Variants in CCDC178 observed in about 807,000 individuals in gnomAD.
The protein encoded by CCDC178 is coiled-coil domain-containing protein 178.
Under a neutral mutation model 117.4 loss-of-function variants are expected in CCDC178, and 126 were observed. The ratio of observed to expected loss-of-function variants is 1.07; its 90% CI spans 0.93 to 1.24. CCDC178 has a LOEUF of 1.24. CCDC178 is among the 50% of genes most tolerant of loss of function. The probability of loss-of-function intolerance (pLI) is 0.00; values close to 1 mark genes in which losing one functional copy is unlikely to be tolerated. For missense variants in CCDC178, 1,030 were observed against 986.9 expected (o/e 1.04, Z -0.59); for synonymous variants, 283 against 313.4 (o/e 0.90, Z 1.02).
At chr18:33,254,963 A>G (rs977986324) in intron 14 of CCDC178, among the ~76,000 whole-genome samples, 4 of 152,016 alleles carry the variant, frequency 2.6e-5, no homozygotes, top group African/African-American at 9.7e-5. Flanking sequence ...AAGAGTTTCA[A>G]TCATGGCAGC....
chr18:33,242,001 T>C (rs753399120), intron 15 of CCDC178, among the ~76,000 whole-genome samples: 3 of 151,850 alleles, frequency 2.0e-5, no homozygotes. Flanking sequence ...GACATTATAC[T>C]ACCAGACTTC....
chr18:33,364,131 G>A (rs2063167967), intron 6 of CCDC178, among the ~76,000 whole-genome samples: 1 of 152,050 alleles, frequency 6.6e-6, no homozygotes, highest in Non-Finnish European at 1.5e-5. Context: ...CCAGATGTGT[G>A]TATCCACATG....
chr18:33,104,855 T>C (rs2057683440), intron 20 of CCDC178, among the ~76,000 whole-genome samples: 1 of 151,776 alleles, frequency 6.6e-6, no homozygotes, highest in African/African-American at 2.4e-5. Context: ...AGAGGTATTT[T>C]ATAGTTCTAT....
chr18:33,363,137 T>C (rs573733765), intron 6 of CCDC178, among the ~76,000 whole-genome samples: 1 of 151,948 alleles, frequency 6.6e-6, no homozygotes, highest in East Asian at 1.9e-4. Flanking sequence ...AAAAAACAAA[T>C]TAGAGGAACA....
chr18:33,044,509 A>T (rs1482543771), intron 21 of CCDC178, among the ~76,000 whole-genome samples: 2 of 152,080 alleles, frequency 1.3e-5, no homozygotes, highest in Non-Finnish European at 2.9e-5. Flanking sequence ...ATTATTAAAA[A>T]AACAAACAAA....
intron 20 of CCDC178, among the ~76,000 whole-genome samples, chr18:33,167,866 C>CTAAATAAATAAATAAA (rs34929402): frequency 6.7e-4 from 100 of 148,728 alleles, no homozygotes; most frequent in Middle Eastern, 6.9e-3. Context: ...GACTCTGTCT[C>CTAAATAAATAAATAAA]TAAATAAATA....
intron 5 of CCDC178, among the ~76,000 whole-genome samples, chr18:33,379,242 A>G (rs2063409093): frequency 7.6e-6 from 1 of 131,926 alleles, no homozygotes; most frequent in African/African-American, 2.9e-5. Context: ...CATTTCCCTA[A>G]TCCCCTCCCT....
chr18:33,383,764 G>A (rs1031801078), intron 5 of CCDC178, among the ~76,000 whole-genome samples: 22 of 152,122 alleles, frequency 1.4e-4, no homozygotes, highest in African/African-American at 5.3e-4. Flanking sequence ...AAAAGCCAAT[G>A]CAAAAACACT....
At chr18:33,318,962 G>A (rs2062461601) in intron 11 of CCDC178, among the ~76,000 whole-genome samples, 1 of 152,022 alleles carries the variant, frequency 6.6e-6, no homozygotes, top group South Asian at 2.1e-4. Context: ...AATTCTGAAA[G>A]TTTTTCATCA....
intron 12 of CCDC178, among the ~76,000 whole-genome samples, chr18:33,278,675 C>T (rs929490624): frequency 3.2e-4 from 49 of 152,078 alleles, no homozygotes; most frequent in African/African-American, 1.1e-3. Context: ...CTATTAGCAA[C>T]AAATACTGAC....
In CCDC178 at chr18:33,098,844, A is replaced by G. The variant is rs150824668; in HGVS notation, c.2239-5934T>C. Among the ~76,000 whole-genome samples the G allele has an allele frequency of 5.9e-5, 9 of 152,006 alleles. 1 individual carries two copies. The South Asian group carries it at 1.9e-3, about 32-fold the overall frequency. ...AGGAATTAAAAAAAGGATAAGATAT[A>G]ATTCCTGTTCGCCAAGGATTACAAG... On this transcript the variant is annotated intron_variant, in intron 20 of 22. Transcript: ENST00000383096.
chr18:33,359,027 C>T (rs1391674065), intron 6 of CCDC178, among the ~76,000 whole-genome samples: 1 of 151,804 alleles, frequency 6.6e-6, no homozygotes, highest in Non-Finnish European at 1.5e-5. Context: ...AACTGGCATT[C>T]ACAGTCCTGC....
At chr18:33,187,589 A>G (rs1286645099) in intron 20 of CCDC178, among the ~76,000 whole-genome samples, 1 of 152,138 alleles carries the variant, frequency 6.6e-6, no homozygotes, top group Non-Finnish European at 1.5e-5. Context: ...ACATCAAAAT[A>G]ATGTCAAAAT....
intron 22 of CCDC178, among the ~76,000 whole-genome samples, chr18:32,948,449 T>C (rs2054404472): frequency 1.3e-5 from 2 of 152,134 alleles, no homozygotes; most frequent in African/African-American, 4.8e-5. Flanking sequence ...TGTATAGGCA[T>C]TGTCTTCTTA....
chr18:33,355,347 G>C (rs1167351538), intron 7 of CCDC178, among the ~76,000 whole-genome samples: 1 of 152,142 alleles, frequency 6.6e-6, no homozygotes, highest in Admixed American at 6.5e-5. Context: ...GCTTACTGGT[G>C]AGCTAGTGTT....
At chr18:33,285,810 G>A (rs1026139629) in intron 12 of CCDC178, among the ~76,000 whole-genome samples, 9 of 151,910 alleles carry the variant, frequency 5.9e-5, no homozygotes, top group Admixed American at 5.9e-4. Flanking sequence ...ATGGTCATTA[G>A]TATATATTTG....
At chr18:33,193,820 A>G (rs1410554818) in intron 20 of CCDC178, among the ~76,000 whole-genome samples, 4 of 152,182 alleles carry the variant, frequency 2.6e-5, no homozygotes, top group African/African-American at 7.2e-5. Flanking sequence ...TGCTTCTGTG[A>G]CATAATACCT....
rs371315818 is a variant in CCDC178, at chr18:33,094,306, C to T, written c.2239-1396G>A. ...AATCACATTGAATTATTTTTTGTTA[C>T]GAGGACAAAGTTCTATTAATATTTT... On this transcript the variant is annotated intron_variant, in intron 20 of 22. Transcript: ENST00000383096. 1.2e-3 allele frequency among the ~76,000 whole-genome samples: 182 copies of T among 151,946 alleles called. 7 individuals are homozygous for T. In the South Asian group the frequency reaches 0.034, roughly 29 times the overall value.
intron 18 of CCDC178, among the ~76,000 whole-genome samples, chr18:33,220,627 T>C (rs950028638): frequency 1.4e-4 from 22 of 152,114 alleles, no homozygotes; most frequent in African/African-American, 4.6e-4. Flanking sequence ...ACTAAGTACT[T>C]CACAGGGTTG....
Sources: allele counts gnomAD v4.1 joint callset (sites outside exome capture counted in the v4.1 genomes callset), GRCh38; gene constraint gnomAD v4.1.1; transcripts MANE v1.5; gene names NCBI Gene and HGNC (gene_info 2026-07-23, HGNC 2026-07-21).